NTN1: variants seen among roughly 807,000 people sequenced by gnomAD.
NTN1 encodes the protein netrin 1.
In NTN1, 11 loss-of-function variants were observed where a neutral mutation model predicts 54.2. The observed-to-expected ratio is 0.20, with a 90% CI of 0.13 to 0.34. The LOEUF is 0.34. Ranked by LOEUF, NTN1 falls within the 10% of genes least tolerant of loss-of-function variation. The probability of loss-of-function intolerance (pLI) is 1.00; values close to 1 mark genes in which losing one functional copy is unlikely to be tolerated. For missense variants in NTN1, 740 were observed against 893.1 expected (o/e 0.83, Z 2.18); for synonymous variants, 371 against 382.0 (o/e 0.97, Z 0.33).
chr17:9,236,688 C>G (rs1455837256), intron 6 of NTN1, among the ~76,000 whole-genome samples: 1 of 152,208 alleles, frequency 6.6e-6, no homozygotes, highest in Non-Finnish European at 1.5e-5. Context: ...TCCTGACTGA[C>G]CACTGTCCAT....
chr17:9,236,973 A>G (rs1474283320), intron 6 of NTN1, among the ~76,000 whole-genome samples: 1 of 152,142 alleles, frequency 6.6e-6, no homozygotes, highest in East Asian at 1.9e-4. Context: ...CCTCTGCAGG[A>G]AGTCTAAGGC....
At chr17:9,028,036 A>G (rs1432507562) in intron 2 of NTN1, among the ~76,000 whole-genome samples, 2 of 151,140 alleles carry the variant, frequency 1.3e-5, no homozygotes, top group Non-Finnish European at 3.0e-5. Flanking sequence ...GAGGCAGGAG[A>G]ATCGCTTGAA....
At chr17:9,005,247 T>C in the NTN1 span, among the ~76,000 whole-genome samples, 4 of 152,172 alleles carry the variant, frequency 2.6e-5, 1 homozygote, top group Non-Finnish European at 4.4e-5. Flanking sequence ...TCACGCTTTC[T>C]AAGAGTTGGA....
intron 2 of NTN1, among the ~76,000 whole-genome samples, chr17:9,069,576 A>C (rs1216361317): frequency 6.6e-6 from 1 of 152,210 alleles, no homozygotes; most frequent in African/African-American, 2.4e-5. Flanking sequence ...GAATTTTCTG[A>C]GCAGCTTTCT....
chr17:9,104,828 A>C (rs958000504), intron 2 of NTN1, among the ~76,000 whole-genome samples: 1 of 152,148 alleles, frequency 6.6e-6, no homozygotes, highest in Admixed American at 6.5e-5. Flanking sequence ...CGTGGGCTTT[A>C]TTCTAGGGAG....
the NTN1 span, among the ~76,000 whole-genome samples, chr17:9,006,151 G>C: frequency 1.3e-5 from 2 of 150,730 alleles, no homozygotes; most frequent in African/African-American, 4.9e-5. Context: ...AAGTGGGTAG[G>C]GGGAGGAGAA....
intron 2 of NTN1, among the ~76,000 whole-genome samples, chr17:9,077,031 G>A (rs1377012216): frequency 6.6e-6 from 1 of 152,172 alleles, no homozygotes; most frequent in Non-Finnish European, 1.5e-5. Context: ...TTCTGTAGCA[G>A]GTAATCATCA....
the NTN1 span, among the ~76,000 whole-genome samples, chr17:9,005,387 G>C: frequency 6.6e-6 from 1 of 151,978 alleles, no homozygotes; most frequent in South Asian, 2.1e-4. Context: ...AGTGAATCTC[G>C]GACTCTGGGC....
At chr17:9,112,046 A>G (rs1042434116) in intron 2 of NTN1, among the ~76,000 whole-genome samples, 2 of 152,218 alleles carry the variant, frequency 1.3e-5, no homozygotes, top group African/African-American at 4.8e-5. Flanking sequence ...GTCCCCAGAA[A>G]ACAGATAACG....
intron 2 of NTN1, among the ~76,000 whole-genome samples, chr17:9,096,447 T>G (rs936543984): frequency 7.3e-6 from 1 of 137,248 alleles, no homozygotes; most frequent in Non-Finnish European, 1.5e-5. Flanking sequence ...CTCGGCTCAC[T>G]GCAAACTCTG....
rs1255256482 is a variant in NTN1 at position 9,196,268 on chromosome 17, C to T, written c.1411+13299C>T. ...TGGGGAATTTGCACCAAGGAGGGTG[C>T]TCAACCCTAGGGTAGGAAAGAAAAG... is the stretch of plus-strand genomic sequence containing the variant. On this transcript the variant is annotated intron_variant, in intron 5 of 6. Coordinates refer to ENST00000173229, the MANE Select transcript of NTN1 (RefSeq NM_004822.3). 4.6e-5 allele frequency among the ~76,000 whole-genome samples: 7 copies of T among 152,146 alleles called. No homozygotes were observed. The East Asian group carries it at 1.4e-3, about 29-fold the overall frequency.
At chr17:9,164,289 G>A (rs529641946) in intron 3 of NTN1, among the ~76,000 whole-genome samples, 2 of 152,330 alleles carry the variant, frequency 1.3e-5, no homozygotes, top group South Asian at 2.1e-4. Flanking sequence ...ACTGGGTGTG[G>A]TGGCGGTTGC....
chr17:9,237,029 C>T (rs971447523), intron 6 of NTN1, among the ~76,000 whole-genome samples: 2 of 152,196 alleles, frequency 1.3e-5, no homozygotes, highest in African/African-American at 4.8e-5. Context: ...TCTCAGCAAA[C>T]TTGAGACTCT....
At chr17:9,178,546 G>A (rs560568156) in intron 3 of NTN1, among the ~76,000 whole-genome samples, 4 of 152,322 alleles carry the variant, frequency 2.6e-5, no homozygotes, top group South Asian at 4.1e-4. Context: ...ACAGACTCCC[G>A]TGCTCACGCC....
intron 3 of NTN1, among the ~76,000 whole-genome samples, chr17:9,163,885 G>A (rs1312536083): frequency 6.6e-6 from 1 of 152,222 alleles, no homozygotes; most frequent in African/African-American, 2.4e-5. Context: ...CATGAACATG[G>A]CTTCCCAAGA....
rs1170229982 is a variant in NTN1 at position 9,219,353 on chromosome 17, A to T, written c.1412-1815A>T. ...AGCTGCTATCCAGATGGCAGGAGGG[A>T]TGGGGACTGTGGCCACCAGTGCCAT... On this transcript the variant is annotated intron_variant, in intron 5 of 6. Transcript: ENST00000173229. This position sits in a 1 kb window ranked among gnomAD's most constrained non-coding sequence, Gnocchi z 4.5. 2.0e-5 allele frequency among the ~76,000 whole-genome samples: 3 copies of T among 152,270 alleles called. No homozygotes were observed. The East Asian group carries it at 5.8e-4, about 29-fold the overall frequency.
intron 5 of NTN1, among the ~76,000 whole-genome samples, chr17:9,185,803 ATTGT>A (rs969314829): frequency 9.9e-5 from 15 of 151,994 alleles, no homozygotes; most frequent in Non-Finnish European, 1.8e-4. Context: ...TGATTTGCAA[ATTGT>A]TTGTTTGGTT....
intron 2 of NTN1, among the ~76,000 whole-genome samples, chr17:9,136,994 C>G (rs545780359): frequency 2.0e-5 from 3 of 152,200 alleles, no homozygotes; most frequent in Non-Finnish European, 4.4e-5. Flanking sequence ...AAGTTGACTC[C>G]TCTCTCAGGA....
At chr17:9,029,296 A>C (rs2091881517) in intron 2 of NTN1, among the ~76,000 whole-genome samples, 1 of 152,196 alleles carries the variant, frequency 6.6e-6, no homozygotes, top group African/African-American at 2.4e-5. Context: ...CAAGGAACGG[A>C]AGCTTTTCAA....
Sources: gnomAD v4.1 joint callset for allele counts (sites outside exome capture counted in the v4.1 genomes callset) on GRCh38, gnomAD v4.1.1 for gene constraint, Gnocchi (gnomAD v3.1) non-coding constraint, MANE v1.5 for transcripts, NCBI Gene and HGNC (gene_info 2026-07-23, HGNC 2026-07-21) for gene names.